IQCJ: variants seen among roughly 807,000 people sequenced by gnomAD.
IQCJ encodes the protein IQ domain-containing protein J.
Under a neutral mutation model 11.0 loss-of-function variants are expected in IQCJ, and 9 were observed. The ratio of observed to expected loss-of-function variants is 0.82; its 90% CI spans 0.49 to 1.43. The LOEUF (loss-of-function observed/expected upper bound fraction) is 1.43, where lower values mean the gene tolerates loss of function less well. Ranked by LOEUF, IQCJ falls within the 40% of genes most tolerant of loss-of-function variation. The pLI is 0.00. For synonymous variants in IQCJ, 55 were observed against 51.3 expected, an observed-to-expected ratio of 1.07 and a Z score of -0.31; for missense variants, 146 against 133.2, an observed-to-expected ratio of 1.10 and a Z score of -0.47.
At chr3:159,161,131 A>G (rs975713162) in intron 1 of IQCJ, among the ~76,000 whole-genome samples, 5 of 151,910 alleles carry the variant, frequency 3.3e-5, no homozygotes, top group African/African-American at 1.2e-4. Flanking sequence ...TAGTTGAACT[A>G]GTTTACAGTC....
chr3:159,260,226 A>G (rs2108232187), intron 3 of IQCJ, among the ~76,000 whole-genome samples: 1 of 152,264 alleles, frequency 6.6e-6, no homozygotes, highest in South Asian at 2.1e-4. Flanking sequence ...GCCCAATGTT[A>G]TTTGGTTCTT....
At chr3:159,263,893 G>T (rs1415037519), downstream of IQCJ, 3 of 863,886 alleles carry the variant, frequency 3.5e-6, no homozygotes, top group South Asian at 5.3e-5. Flanking sequence ...TTATTTAGGG[G>T]AATGGCTTAT....
chr3:159,105,223 A>G (rs1718177800), intron 1 of IQCJ, among the ~76,000 whole-genome samples: 1 of 152,216 alleles, frequency 6.6e-6, no homozygotes, highest in Non-Finnish European at 1.5e-5. Context: ...GGATTTGAAC[A>G]CATGTTTATC....
rs35388050 is a variant in IQCJ at position 159,091,094 on chromosome 3, C to CT, written c.9+21662dup. Among the ~76,000 whole-genome samples the CT allele has an allele frequency of 1.0e-2, 1,495 of 150,190 alleles. 52 individuals carry two copies. Among genetic ancestry groups the CT allele is most frequent in the African/African-American group, 0.035 (1,414 of 40,614 alleles). ...CCCTAACTTGAATTTTTCTTAGGGC[C>CT]TTTTTTTTTAAGAACTATAGTTCTG... On this transcript the variant is annotated intron_variant, in intron 1 of 3. Transcript: ENST00000397832.
intron 1 of IQCJ, among the ~76,000 whole-genome samples, chr3:159,117,097 G>T (rs535713948): frequency 6.6e-6 from 1 of 152,190 alleles, no homozygotes; most frequent in African/African-American, 2.4e-5. Context: ...ATGTCTACTT[G>T]CTGCCTTTGC....
At chr3:159,185,017 C>T (rs958327525) in intron 1 of IQCJ, among the ~76,000 whole-genome samples, 10 of 152,104 alleles carry the variant, frequency 6.6e-5, no homozygotes, top group African/African-American at 2.2e-4. Flanking sequence ...AAATCATGGC[C>T]GCATAGCCAC....
chr3:159,180,304 G>GTCTCTCTC (rs200690205), intron 1 of IQCJ, among the ~76,000 whole-genome samples: 35 of 152,028 alleles, frequency 2.3e-4, no homozygotes, highest in African/African-American at 8.0e-4. Context: ...CTCTCTTTCT[G>GTCTCTCTC]TCTCTCTCTG....
At chr3:159,085,409 T>G (rs571480459) in intron 1 of IQCJ, among the ~76,000 whole-genome samples, 7 of 152,244 alleles carry the variant, frequency 4.6e-5, no homozygotes, top group African/African-American at 1.4e-4. Flanking sequence ...GCAGCATGAT[T>G]TATAGTCATT....
intron 1 of IQCJ, among the ~76,000 whole-genome samples, chr3:159,192,805 T>C (rs1391097663): frequency 6.6e-6 from 1 of 152,130 alleles, no homozygotes; most frequent in African/African-American, 2.4e-5. Context: ...CATGCTCAGG[T>C]TCACTGTCTT....
At position 159,263,118 on chromosome 3, in the gene IQCJ, G is replaced by A; in HGVS notation, c.*387G>A. On this transcript the variant is annotated 3_prime_UTR_variant, in exon 4 of 4. Coordinates refer to ENST00000397832, the MANE Select transcript of IQCJ (RefSeq NM_001042706.3). ...CACACTCAGGGGTTGCAACTTAAATGTCTCCAGGGGCCAGGTAAGTCACCC... is the reference window on the plus strand; with the variant it reads ...CACACTCAGGGGTTGCAACTTAAATATCTCCAGGGGCCAGGTAAGTCACCC... 1.0e-6 allele frequency: 1 copy of A among 972,602 alleles called. No homozygotes were observed. The highest frequency in any genetic ancestry group is 5.3e-4 in the Middle Eastern group (1 of 1,882). The allele number at this position is 972,602 out of a possible 1,614,324, so 60.2% of individuals were successfully genotyped here.
intron 1 of IQCJ, among the ~76,000 whole-genome samples, chr3:159,224,718 T>G (rs145387994): frequency 2.2e-3 from 329 of 147,362 alleles, no homozygotes; most frequent in Middle Eastern, 3.5e-3. Flanking sequence ...AGTTTCTTGT[T>G]GAACTTCACC....
At chr3:159,195,126 T>G (rs540659682) in intron 1 of IQCJ, among the ~76,000 whole-genome samples, 21 of 148,862 alleles carry the variant, frequency 1.4e-4, no homozygotes, top group Non-Finnish European at 2.8e-4. Context: ...AAAAAAAATC[T>G]GTATCACTGG....
intron 1 of IQCJ, among the ~76,000 whole-genome samples, chr3:159,222,784 T>C (rs1034633102): frequency 6.6e-6 from 1 of 152,026 alleles, no homozygotes; most frequent in African/African-American, 2.4e-5. Context: ...ACTATGGATA[T>C]GTAAATCAAA....
intron 1 of IQCJ, among the ~76,000 whole-genome samples, chr3:159,089,613 T>C (rs1441037822): frequency 6.6e-6 from 1 of 151,778 alleles, no homozygotes. Context: ...GAGGCTTTGC[T>C]CATTTCTTTT....
rs140270430 is a variant in IQCJ, at chr3:159,136,418, A to T, written c.9+66977A>T. Among the ~76,000 whole-genome samples, 21 of 152,298 alleles carry T rather than the reference A, an allele frequency of 1.4e-4. 1 individual carries two copies. The East Asian group carries it at 4.1e-3, about 29-fold the overall frequency. Reference sequence around the variant, plus strand: ...ATGGCGATTTGAGTGTGTTCCCCTTAGAGACCATTTTGGTGCTACTTTTAT... The same window carrying T: ...ATGGCGATTTGAGTGTGTTCCCCTTTGAGACCATTTTGGTGCTACTTTTAT... On this transcript the variant is annotated intron_variant, in intron 1 of 3. Coordinates refer to ENST00000397832, the MANE Select transcript of IQCJ (RefSeq NM_001042706.3).
At chr3:159,187,228 C>T (rs1723423454) in intron 1 of IQCJ, among the ~76,000 whole-genome samples, 1 of 152,174 alleles carries the variant, frequency 6.6e-6, no homozygotes, top group African/African-American at 2.4e-5. Flanking sequence ...AGAGAAAAGG[C>T]TATTGCCTCT....
chr3:159,153,551 C>A (rs1721348188), intron 1 of IQCJ, among the ~76,000 whole-genome samples: 2 of 152,122 alleles, frequency 1.3e-5, no homozygotes, highest in South Asian at 4.1e-4. Context: ...CGGCAATGAC[C>A]AATGTTCCTT....
intron 1 of IQCJ, among the ~76,000 whole-genome samples, chr3:159,105,246 G>C (rs560973565): frequency 6.6e-6 from 1 of 152,148 alleles, no homozygotes; most frequent in Non-Finnish European, 1.5e-5. Flanking sequence ...ACTCTGTATG[G>C]TCATATTTTA....
chr3:159,095,261 A>T (rs1188539406), intron 1 of IQCJ, among the ~76,000 whole-genome samples: 1 of 151,856 alleles, frequency 6.6e-6, no homozygotes, highest in Non-Finnish European at 1.5e-5. Flanking sequence ...TAAAATAGTA[A>T]ATGTGTATAG....
Sources: gnomAD v4.1 joint callset for allele counts (sites outside exome capture counted in the v4.1 genomes callset) on GRCh38, gnomAD v4.1.1 for gene constraint, MANE v1.5 for transcripts, NCBI Gene and HGNC (gene_info 2026-07-23, HGNC 2026-07-21) for gene names.